Variants in ZNF652 observed in about 807,000 individuals in gnomAD.
The protein encoded by ZNF652 is zinc finger protein 652.
Under a neutral mutation model 45.2 loss-of-function variants are expected in ZNF652, and 16 were observed. The ratio of observed to expected loss-of-function variants is 0.35; its 90% CI spans 0.24 to 0.54. The LOEUF is 0.54. Among genes scored for constraint, ZNF652 ranks in the 20% least tolerant of loss-of-function variants. ZNF652 has a pLI of 0.91. For missense variants in ZNF652, 614 were observed against 765.6 expected, an observed-to-expected ratio of 0.80 and a Z score of 2.34; for synonymous variants, 250 against 260.6, an observed-to-expected ratio of 0.96 and a Z score of 0.39.
chr17:49,359,356 G>A (rs1266918535), intron 1 of ZNF652, among the ~76,000 whole-genome samples: 1 of 152,172 alleles, frequency 6.6e-6, no homozygotes, highest in Non-Finnish European at 1.5e-5. Context: ...AGGGTATGCT[G>A]CATAATTAGT....
chr17:49,313,099 C>T (rs985627987), intron 2 of ZNF652, among the ~76,000 whole-genome samples: 6 of 152,192 alleles, frequency 3.9e-5, no homozygotes, highest in Non-Finnish European at 7.4e-5. Flanking sequence ...GTTCCACTAA[C>T]ATCAAAGAAT....
intron 2 of ZNF652, among the ~76,000 whole-genome samples, chr17:49,315,513 A>AGT (rs1306903148): frequency 0.016 from 2,454 of 152,108 alleles, 58 homozygotes; most frequent in African/African-American, 0.057. Flanking sequence ...AGTCACACAC[A>AGT]AAAAGTATTT....
chr17:49,330,514 GT>G (rs2070011725), intron 1 of ZNF652, among the ~76,000 whole-genome samples: 1 of 151,772 alleles, frequency 6.6e-6, no homozygotes, highest in East Asian at 1.9e-4. Flanking sequence ...TGCCTGGCTA[GT>G]TTTTTGTGTT....
intron 5 of ZNF652, among the ~76,000 whole-genome samples, chr17:49,309,148 A>C (rs1419081081): frequency 6.6e-6 from 1 of 151,934 alleles, no homozygotes; most frequent in African/African-American, 2.4e-5. Context: ...CCAAGCATCT[A>C]TGTGCCAAGC....
At chr17:49,303,388 G>A (rs2069581864) in intron 5 of ZNF652, among the ~76,000 whole-genome samples, 1 of 151,436 alleles carries the variant, frequency 6.6e-6, no homozygotes. Context: ...CTACAGGCAT[G>A]CACCACCATA....
intron 1 of ZNF652, among the ~76,000 whole-genome samples, chr17:49,327,775 ATATATTT>A (rs1341913658): frequency 0.025 from 60 of 2,422 alleles, 4 homozygotes; most frequent in African/African-American, 0.078. Flanking sequence ...ATATATATAT[ATATATTT>A]TTTTTTTTTT....
intron 5 of ZNF652, among the ~76,000 whole-genome samples, chr17:49,309,861 C>T (rs138265876): frequency 4.6e-5 from 7 of 152,162 alleles, no homozygotes; most frequent in Non-Finnish European, 8.8e-5. Context: ...TGGGCTTCAA[C>T]AGAGAACTGG....
At chr17:49,309,385 G>A (rs1010396455) in intron 5 of ZNF652, among the ~76,000 whole-genome samples, 8 of 145,520 alleles carry the variant, frequency 5.5e-5, no homozygotes, top group African/African-American at 1.8e-4. Context: ...GTGAACTCGC[G>A]TAATCTCAAC....
At chr17:49,320,394 T>G (rs778432611) in intron 1 of ZNF652, among the ~76,000 whole-genome samples, 8 of 152,248 alleles carry the variant, frequency 5.3e-5, no homozygotes, top group Non-Finnish European at 8.8e-5. Context: ...TTATAAATGG[T>G]AAAATTACGG....
At chr17:49,320,241 C>T (rs2069871850) in intron 1 of ZNF652, among the ~76,000 whole-genome samples, 1 of 152,162 alleles carries the variant, frequency 6.6e-6, no homozygotes, top group Admixed American at 6.5e-5. Flanking sequence ...CTTCCATTTT[C>T]TCTTCCATTT....
chr17:49,335,443 G>A (rs984096032), intron 1 of ZNF652, among the ~76,000 whole-genome samples: 1 of 151,862 alleles, frequency 6.6e-6, no homozygotes, highest in Non-Finnish European at 1.5e-5. Flanking sequence ...CTGATTATTT[G>A]TGTCTATTCT....
chr17:49,339,581 C>T (rs2070122468), intron 1 of ZNF652, among the ~76,000 whole-genome samples: 1 of 152,068 alleles, frequency 6.6e-6, no homozygotes, highest in African/African-American at 2.4e-5. Context: ...CAGACAGCGA[C>T]CCTCATTCAA....
intron 3 of ZNF652, 108 bp downstream of exon 3, chr17:49,312,590 G>A (rs2069731614): frequency 7.8e-7 from 1 of 1,274,514 alleles, no homozygotes; most frequent in Non-Finnish European, 1.1e-6. Flanking sequence ...GTTTCAACAT[G>A]TCAAAACTGA....
chr17:49,311,870 G>C, intron 4 of ZNF652, 57 bp downstream of exon 4: 1 of 1,419,988 alleles, frequency 7.0e-7, no homozygotes, highest in Non-Finnish European at 9.8e-7. Flanking sequence ...TCACTGGTCC[G>C]CCATCTATGC....
chr17:49,324,734 CTT>C (rs1185007907), intron 1 of ZNF652, among the ~76,000 whole-genome samples: 52 of 96,232 alleles, frequency 5.4e-4, no homozygotes, highest in African/African-American at 2.1e-3. Context: ...TGGGGTAGCA[CTT>C]TTTTTTTTTT....
At chr17:49,332,929 T>C (rs1306840426) in intron 1 of ZNF652, among the ~76,000 whole-genome samples, 1 of 152,122 alleles carries the variant, frequency 6.6e-6, no homozygotes, top group African/African-American at 2.4e-5. Context: ...TCTTAGCACT[T>C]TGGGAGGCTA....
At chr17:49,359,272 T>C (rs1042614982) in intron 1 of ZNF652, among the ~76,000 whole-genome samples, 1 of 152,178 alleles carries the variant, frequency 6.6e-6, no homozygotes, top group Non-Finnish European at 1.5e-5. Context: ...ATGTGTAATA[T>C]AAAGCACTGG....
At chr17:49,303,674 G>A (rs1364550983) in intron 5 of ZNF652, among the ~76,000 whole-genome samples, 1 of 152,044 alleles carries the variant, frequency 6.6e-6, no homozygotes, top group Non-Finnish European at 1.5e-5. Flanking sequence ...GCAGCCATAT[G>A]GAAACACAGC....
Position 49,317,910 on chromosome 17 carries a change from G to A in ZNF652, c.-185C>T. ...ACCAAAGCATGAGTCAAAAAGGTTT[G>A]GTATTATGGCAAGAGCAGAGCACTA... On this transcript the variant is annotated 5_prime_UTR_variant, in exon 2 of 6. Coordinates refer to ENST00000430262, the MANE Select transcript of ZNF652 (RefSeq NM_001145365.3). 1 of 636,564 alleles carries A rather than the reference G, an allele frequency of 1.6e-6. No individual in the cohort carries two copies. Among genetic ancestry groups the A allele is most frequent in the East Asian group, 2.9e-5 (1 of 34,236 alleles). 39.4% of individuals were successfully genotyped at this position (636,564 alleles called of 1,614,324 possible). A position where few individuals can be genotyped will look rare whatever the true frequency, so the allele number is the denominator to read the frequency against.
Sources: allele counts gnomAD v4.1 joint callset (sites outside exome capture counted in the v4.1 genomes callset), GRCh38; gene constraint gnomAD v4.1.1; transcripts MANE v1.5; gene names NCBI Gene and HGNC (gene_info 2026-07-23, HGNC 2026-07-21).